PCDH9: variants seen among roughly 807,000 people sequenced by gnomAD.
PCDH9 encodes protocadherin 9.
A neutral mutation model predicts 70.6 loss-of-function variants in PCDH9; 24 were observed. That is an observed-to-expected ratio of 0.34 (90% CI 0.25 to 0.48). The LOEUF is 0.48. Ranked by LOEUF, PCDH9 falls within the 20% of genes least tolerant of loss-of-function variation. The pLI, the probability that PCDH9 is intolerant of heterozygous loss-of-function variation, is 0.99. For missense variants in PCDH9, 1,281 were observed against 1,503.6 expected (o/e 0.85, Z 2.45); for synonymous variants, 562 against 558.5 (o/e 1.01, Z -0.09).
intron 2 of PCDH9, among the ~76,000 whole-genome samples, chr13:67,133,519 C>T (rs2087158000): frequency 6.6e-6 from 1 of 152,016 alleles, no homozygotes; most frequent in African/African-American, 2.4e-5. Flanking sequence ...GTCTGTAATT[C>T]TATAATTTCA....
chr13:66,908,544 C>G (rs2082402672), intron 2 of PCDH9, among the ~76,000 whole-genome samples: 1 of 152,046 alleles, frequency 6.6e-6, no homozygotes, highest in African/African-American at 2.4e-5. Context: ...CTTAGAACAC[C>G]CCCAATCATT....
At chr13:66,434,039 G>T (rs1410243478) in intron 4 of PCDH9, among the ~76,000 whole-genome samples, 1 of 151,876 alleles carries the variant, frequency 6.6e-6, no homozygotes, top group African/African-American at 2.4e-5. Flanking sequence ...CAGTGATGTT[G>T]ATGGAGTTGT....
At chr13:67,140,466 A>G (rs2087354456) in intron 2 of PCDH9, among the ~76,000 whole-genome samples, 1 of 152,174 alleles carries the variant, frequency 6.6e-6, no homozygotes, top group African/African-American at 2.4e-5. Context: ...AGTACATACA[A>G]ATGGTATTTA....
At chr13:66,907,199 G>A (rs2139607871) in intron 2 of PCDH9, among the ~76,000 whole-genome samples, 1 of 152,076 alleles carries the variant, frequency 6.6e-6, no homozygotes, top group African/African-American at 2.4e-5. Flanking sequence ...ACGAGATTCT[G>A]CCTCAAAAAG....
intron 3 of PCDH9, among the ~76,000 whole-genome samples, chr13:66,720,221 C>T (rs1351461089): frequency 6.6e-6 from 1 of 151,718 alleles, no homozygotes; most frequent in Non-Finnish European, 1.5e-5. Context: ...GGTGCTATTT[C>T]GGCTCACTGC....
chr13:66,557,409 G>A (rs572178117), intron 4 of PCDH9, among the ~76,000 whole-genome samples: 26 of 152,090 alleles, frequency 1.7e-4, no homozygotes, highest in East Asian at 7.7e-4. Context: ...AATAGTAAGC[G>A]TAGTCTATTT....
At chr13:67,176,603 C>G (rs1027115129) in intron 2 of PCDH9, among the ~76,000 whole-genome samples, 2 of 151,920 alleles carry the variant, frequency 1.3e-5, no homozygotes, top group African/African-American at 4.8e-5. Flanking sequence ...CAGAGCTTCA[C>G]TTTTCCTGTA....
In PCDH9 at chr13:66,765,017, T is replaced by C. The variant is rs1013292193; in HGVS notation, c.3139-133606A>G. On this transcript the variant is annotated intron_variant, in intron 3 of 4. Coordinates refer to ENST00000377865, the MANE Select transcript of PCDH9 (RefSeq NM_203487.3). ...GTCCATCTGTCTCTCTCTCTGTCTC[T>C]TTCTCTTTCGCTCTCTCTCTTTCTG... 7.3e-5 allele frequency among the ~76,000 whole-genome samples: 11 copies of C among 151,062 alleles called. No individual in the cohort carries two copies. The East Asian group carries it at 1.4e-3, about 19-fold the overall frequency.
At chr13:66,853,430 C>A (rs114394411) in intron 3 of PCDH9, among the ~76,000 whole-genome samples, 2,442 of 152,192 alleles carry the variant, frequency 0.016, 80 homozygotes, top group African/African-American at 0.055. Context: ...TCTCAGACCT[C>A]CAGCAATGCC....
chr13:66,369,937 T>C (rs916989539), intron 4 of PCDH9, among the ~76,000 whole-genome samples: 2 of 152,106 alleles, frequency 1.3e-5, no homozygotes, highest in African/African-American at 4.8e-5. Context: ...TTGGAAAGAA[T>C]TTCTGACATA....
At chr13:66,378,154 T>C (rs1420132434) in intron 4 of PCDH9, among the ~76,000 whole-genome samples, 1 of 152,190 alleles carries the variant, frequency 6.6e-6, no homozygotes, top group Non-Finnish European at 1.5e-5. Flanking sequence ...CGAAAAGCCC[T>C]GAGGATGAAG....
At chr13:66,817,722 T>C in intron 3 of PCDH9, among the ~76,000 whole-genome samples, 1 of 152,086 alleles carries the variant, frequency 6.6e-6, no homozygotes, top group East Asian at 1.9e-4. Context: ...CTCGACCTCC[T>C]GGGCTCAAGC....
intron 2 of PCDH9, among the ~76,000 whole-genome samples, chr13:67,153,955 G>A (rs1038662247): frequency 6.6e-6 from 1 of 152,166 alleles, no homozygotes; most frequent in Admixed American, 6.5e-5. Context: ...ATGAATATAC[G>A]TGTATACTTT....
chr13:66,656,440 C>T (rs1669688267), intron 3 of PCDH9, among the ~76,000 whole-genome samples: 1 of 152,040 alleles, frequency 6.6e-6, no homozygotes, highest in Admixed American at 6.6e-5. Flanking sequence ...TCAGGTTACT[C>T]TTTGAAAACA....
chr13:66,665,274 T>A (rs1174003975), intron 3 of PCDH9, among the ~76,000 whole-genome samples: 1 of 152,014 alleles, frequency 6.6e-6, no homozygotes, highest in Non-Finnish European at 1.5e-5. Context: ...AATTTTTGTA[T>A]TTTTAGTAGA....
At chr13:66,872,494 A>G (rs1447338804) in intron 3 of PCDH9, among the ~76,000 whole-genome samples, 1 of 152,170 alleles carries the variant, frequency 6.6e-6, no homozygotes, top group African/African-American at 2.4e-5. Context: ...TTACAAAATC[A>G]TACAGTCCTA....
chr13:66,389,358 T>C (rs1463083569), intron 4 of PCDH9, among the ~76,000 whole-genome samples: 1 of 152,206 alleles, frequency 6.6e-6, no homozygotes, highest in Non-Finnish European at 1.5e-5. Context: ...AGATGGGAAC[T>C]GGTTCATGAA....
intron 2 of PCDH9, among the ~76,000 whole-genome samples, chr13:66,974,341 C>T (rs1354731479): frequency 6.6e-6 from 1 of 151,952 alleles, no homozygotes; most frequent in Non-Finnish European, 1.5e-5. Context: ...TTTCCCTGAC[C>T]TAACCCCTTT....
chr13:66,588,735 G>A (rs1166866195), intron 4 of PCDH9, among the ~76,000 whole-genome samples: 1 of 151,336 alleles, frequency 6.6e-6, no homozygotes, highest in Non-Finnish European at 1.5e-5. Context: ...TTTTCTTGAA[G>A]ATAATTCATG....
Sources: gnomAD v4.1 joint callset for allele counts (sites outside exome capture counted in the v4.1 genomes callset) on GRCh38, gnomAD v4.1.1 for gene constraint, MANE v1.5 for transcripts, NCBI Gene and HGNC (gene_info 2026-07-23, HGNC 2026-07-21) for gene names.